CREB5: variants seen among roughly 807,000 people sequenced by gnomAD.
CREB5 encodes the protein cyclic AMP-responsive element-binding protein 5.
A neutral mutation model predicts 57.1 loss-of-function variants in CREB5; 19 were observed. The ratio of observed to expected loss-of-function variants is 0.33; its 90% CI spans 0.23 to 0.49. CREB5 has a LOEUF of 0.49. Ranked by LOEUF, CREB5 falls within the 20% of genes least tolerant of loss-of-function variation. The probability of loss-of-function intolerance (pLI) is 0.99; values close to 1 mark genes in which losing one functional copy is unlikely to be tolerated. For missense variants in CREB5, 579 were observed against 671.6 expected (o/e 0.86, Z 1.52); for synonymous variants, 238 against 238.3 (o/e 1.00, Z 0.01).
intron 5 of CREB5, among the ~76,000 whole-genome samples, chr7:28,622,488 C>T (rs916318156): frequency 1.3e-5 from 2 of 152,168 alleles, no homozygotes; most frequent in African/African-American, 2.4e-5. Context: ...AAGAAAATTA[C>T]ACCATTCTAT....
chr7:28,704,819 T>C (rs1802026488), intron 5 of CREB5, among the ~76,000 whole-genome samples: 1 of 152,096 alleles, frequency 6.6e-6, no homozygotes, highest in South Asian at 2.1e-4. Flanking sequence ...CCCTTGAAGA[T>C]TGTTGGTTCA....
chr7:28,353,531 AAGGAAGC>A, intron 1 of CREB5, among the ~76,000 whole-genome samples: 1 of 152,278 alleles, frequency 6.6e-6, no homozygotes, highest in East Asian at 1.9e-4. Context: ...GTTTCAGGGA[AAGGAAGC>A]AGCATACAAA....
chr7:28,482,706 T>A (rs149648082), intron 1 of CREB5, among the ~76,000 whole-genome samples: 43 of 152,320 alleles, frequency 2.8e-4, no homozygotes, highest in African/African-American at 1.0e-3. Flanking sequence ...ACGAATAAAA[T>A]TCAAGCCCCC....
chr7:28,671,080 A>G (rs1392154757), intron 5 of CREB5, among the ~76,000 whole-genome samples: 1 of 151,956 alleles, frequency 6.6e-6, no homozygotes, highest in Non-Finnish European at 1.5e-5. Context: ...CCTGGGAAAC[A>G]TAGCAAGACC....
intron 1 of CREB5, among the ~76,000 whole-genome samples, chr7:28,320,324 AAG>A (rs1185093666): frequency 6.6e-6 from 1 of 152,124 alleles, no homozygotes; most frequent in Non-Finnish European, 1.5e-5. Context: ...GCCCTTCTCA[AAG>A]AGAAGATAAT....
At chr7:28,349,606 C>A (rs1004117529) in intron 1 of CREB5, among the ~76,000 whole-genome samples, 1 of 152,040 alleles carries the variant, frequency 6.6e-6, no homozygotes, top group Non-Finnish European at 1.5e-5. Context: ...GAAGTAGGAC[C>A]ACCATCGGCC....
chr7:28,697,354 C>A (rs775396098), intron 5 of CREB5, among the ~76,000 whole-genome samples: 41 of 152,202 alleles, frequency 2.7e-4, no homozygotes, highest in Non-Finnish European at 4.0e-4. Context: ...AGATTCCTTT[C>A]CCCAAACTCT....
chr7:28,647,927 A>C (rs1332120500), intron 5 of CREB5, among the ~76,000 whole-genome samples: 2 of 152,136 alleles, frequency 1.3e-5, no homozygotes, highest in African/African-American at 4.8e-5. Flanking sequence ...ACAAAAAATA[A>C]AAATAAGAGA....
chr7:28,778,852 T>C (rs1347881625), intron 7 of CREB5: 3 of 152,322 alleles, frequency 2.0e-5, no homozygotes, highest in East Asian at 1.9e-4. Flanking sequence ...ATATAGCAAA[T>C]GTATTTTGAC....
intron 4 of CREB5, among the ~76,000 whole-genome samples, chr7:28,535,362 G>C (rs921289478): frequency 1.5e-5 from 2 of 137,120 alleles, no homozygotes; most frequent in Admixed American, 1.5e-4. Context: ...ATGGAAGGGA[G>C]GAAAGGTGGA....
At chr7:28,666,110 A>G (rs190570019) in intron 5 of CREB5, among the ~76,000 whole-genome samples, 1 of 150,616 alleles carries the variant, frequency 6.6e-6, no homozygotes, top group Non-Finnish European at 1.5e-5. Flanking sequence ...AGCGATTGCC[A>G]AAAGTTTGGA....
At chr7:28,614,173 A>G (rs944703299) in intron 5 of CREB5, among the ~76,000 whole-genome samples, 3 of 152,088 alleles carry the variant, frequency 2.0e-5, no homozygotes, top group African/African-American at 7.2e-5. Context: ...TGCTCAGGCC[A>G]GTCTCAAACA....
rs546901280 is a variant in CREB5, at chr7:28,665,293, A to G, written c.465-53460A>G. On this transcript the variant is annotated intron_variant, in intron 5 of 10. Transcript: ENST00000357727. ...CTGCGTCTCCTACAGCCCAGCTAAA[A>G]GGGCCAGGCAGAGTTGCATTAAACC... Among the ~76,000 whole-genome samples, 294 of 152,298 alleles carry G rather than the reference A, an allele frequency of 1.9e-3. 2 individuals carry two copies. Among genetic ancestry groups the G allele is most frequent in the African/African-American group, 6.8e-3 (283 of 41,576 alleles).
chr7:28,678,916 A>C (rs1800454770), intron 5 of CREB5, among the ~76,000 whole-genome samples: 1 of 152,244 alleles, frequency 6.6e-6, no homozygotes, highest in South Asian at 2.1e-4. Context: ...GTCAGTTATT[A>C]GATAGACACA....
In CREB5 at chr7:28,507,725, G is replaced by C. The variant is rs1297161705; in HGVS notation, c.279G>C (p.Glu93Asp). The C allele has an allele frequency of 1.2e-6, 2 of 1,605,760 alleles. No homozygotes were observed. The highest frequency in any genetic ancestry group is 3.3e-5 in the Admixed American group (2 of 59,770). The change falls in exon 4 of 11, where the codon GAG (glutamate) becomes GAC (aspartate). Residue 93 changes from glutamate (E) to aspartate (D), a missense_variant. Coordinates refer to ENST00000357727, the MANE Select transcript of CREB5 (RefSeq NM_182898.4). Reference sequence around the variant, plus strand: ...AGTTCAGGAAGGCTCAGGAAGAGGAGAGCAGCAAGCGGGTAGGTTTGCTTG... The same window carrying C: ...AGTTCAGGAAGGCTCAGGAAGAGGACAGCAGCAAGCGGGTAGGTTTGCTTG... ...EHEFRKAQEE[E>D]SSKRNISMHN...
At chr7:28,691,176 T>C (rs937132403) in intron 5 of CREB5, among the ~76,000 whole-genome samples, 2 of 152,142 alleles carry the variant, frequency 1.3e-5, no homozygotes, top group Non-Finnish European at 1.5e-5. Flanking sequence ...TCCCAGCACT[T>C]TGGGAGGCCA....
At chr7:28,564,432 G>A (rs986474282) in intron 4 of CREB5, among the ~76,000 whole-genome samples, 5 of 152,138 alleles carry the variant, frequency 3.3e-5, no homozygotes, top group African/African-American at 1.2e-4. Context: ...TTAAAAACAC[G>A]GATGTATGTT....
chr7:28,654,237 C>T (rs1169698354), intron 5 of CREB5, among the ~76,000 whole-genome samples: 3 of 152,258 alleles, frequency 2.0e-5, no homozygotes, highest in Non-Finnish European at 2.9e-5. Flanking sequence ...TTTCGGGAGT[C>T]GATACAGCTC....
chr7:28,648,495 G>T (rs868815281), intron 5 of CREB5, among the ~76,000 whole-genome samples: 6 of 152,090 alleles, frequency 3.9e-5, no homozygotes, highest in South Asian at 2.1e-4. Context: ...CAGCATTTTG[G>T]GAGGCTTAGG....
Sources: allele counts gnomAD v4.1 joint callset (sites outside exome capture counted in the v4.1 genomes callset), GRCh38; gene constraint gnomAD v4.1.1; transcripts MANE v1.5; gene names NCBI Gene and HGNC (gene_info 2026-07-23, HGNC 2026-07-21).